SGCZ: variants seen among roughly 807,000 people sequenced by gnomAD.
SGCZ encodes the protein zeta-sarcoglycan.
A neutral mutation model predicts 41.3 loss-of-function variants in SGCZ; 40 were observed. The ratio of observed to expected loss-of-function variants is 0.97; its 90% confidence interval spans 0.75 to 1.26. The LOEUF is 1.26. Among genes scored for constraint, SGCZ ranks in the 50% most tolerant of loss-of-function variants. The pLI is 0.00. For missense variants in SGCZ, 552 were observed against 369.8 expected, an observed-to-expected ratio of 1.49 and a Z score of -4.04; for synonymous variants, 206 against 137.5, an observed-to-expected ratio of 1.50 and a Z score of -3.49.
At chr8:14,525,179 GATAGA>G (rs1802908414) in intron 2 of SGCZ, among the ~76,000 whole-genome samples, 2 of 138,188 alleles carry the variant, frequency 1.4e-5, no homozygotes, top group Non-Finnish European at 3.4e-5. Context: ...TAGATAGATA[GATAGA>G]TAGATAGATA....
chr8:14,377,877 G>A (rs1236031576), intron 2 of SGCZ, among the ~76,000 whole-genome samples: 1 of 151,458 alleles, frequency 6.6e-6, no homozygotes, highest in East Asian at 1.9e-4. Context: ...TTTTATGGCT[G>A]CATAGTATTC....
At chr8:14,853,595 A>G (rs558839707) in intron 1 of SGCZ, 1 of 429,894 alleles carries the variant, frequency 2.3e-6, no homozygotes, top group African/African-American at 2.0e-5. Flanking sequence ...AAAAAAATTC[A>G]GTCACTGAAG....
At chr8:15,160,528 G>C (rs913064293) in intron 1 of SGCZ, among the ~76,000 whole-genome samples, 4 of 152,196 alleles carry the variant, frequency 2.6e-5, no homozygotes, top group African/African-American at 7.2e-5. Context: ...TTCCCCAGGA[G>C]AGTCAATTTT....
chr8:14,125,577 G>C (rs1258031635), intron 5 of SGCZ, among the ~76,000 whole-genome samples: 1 of 150,788 alleles, frequency 6.6e-6, no homozygotes, highest in Admixed American at 6.6e-5. Flanking sequence ...CAGATTTAAT[G>C]CTATTTCCAT....
At chr8:14,328,976 C>G (rs988702409) in intron 2 of SGCZ, among the ~76,000 whole-genome samples, 2 of 152,204 alleles carry the variant, frequency 1.3e-5, no homozygotes, top group Admixed American at 1.3e-4. Flanking sequence ...TGGAAGCAAA[C>G]AGCAGCCTTC....
At chr8:14,693,067 G>A (rs756762195) in intron 1 of SGCZ, among the ~76,000 whole-genome samples, 3 of 152,028 alleles carry the variant, frequency 2.0e-5, no homozygotes, top group Non-Finnish European at 4.4e-5. Context: ...TTTCAGGCAC[G>A]GTGAAATGTG....
At chr8:14,761,653 T>C (rs1799881945) in intron 1 of SGCZ, among the ~76,000 whole-genome samples, 2 of 151,446 alleles carry the variant, frequency 1.3e-5, no homozygotes, top group South Asian at 4.2e-4. Context: ...CTTCAGGAGA[T>C]TAGCTGGGAT....
At chr8:14,847,641 A>G (rs934812279) in intron 1 of SGCZ, among the ~76,000 whole-genome samples, 1 of 138,080 alleles carries the variant, frequency 7.2e-6, no homozygotes, top group Admixed American at 7.4e-5. Context: ...GAAGGAAGGA[A>G]GGAGGGAGGG....
intron 1 of SGCZ, among the ~76,000 whole-genome samples, chr8:15,031,227 A>G (rs1746513327): frequency 6.6e-6 from 1 of 152,146 alleles, no homozygotes; most frequent in Non-Finnish European, 1.5e-5. Context: ...CCAGGATGGC[A>G]GAATAGGTTT....
chr8:14,345,718 G>A (rs1802870656), intron 2 of SGCZ, among the ~76,000 whole-genome samples: 1 of 152,064 alleles, frequency 6.6e-6, no homozygotes, highest in Non-Finnish European at 1.5e-5. Context: ...CTCTAGCCTG[G>A]GCTAATCTAC....
chr8:14,964,163 C>A (rs1201372464), intron 1 of SGCZ, among the ~76,000 whole-genome samples: 1 of 152,172 alleles, frequency 6.6e-6, no homozygotes, highest in Admixed American at 6.5e-5. Flanking sequence ...TGATTTTTGT[C>A]ACTACTGTTA....
In SGCZ at chr8:14,578,407, T is replaced by C. The variant is rs761797574; in HGVS notation, c.40-23481A>G. 4.6e-5 allele frequency among the ~76,000 whole-genome samples: 7 copies of C among 152,188 alleles called. No homozygotes were observed. The South Asian group carries it at 1.2e-3, about 27-fold the overall frequency. On this transcript the variant is annotated intron_variant, in intron 1 of 7. Transcript: ENST00000382080. ...CCTCTCTTCCTCACCCCTTTGCAAG[T>C]TGTCCTACATGCTCCCTGGGTTTGG...
At chr8:14,746,076 A>G (rs1385436360) in intron 1 of SGCZ, among the ~76,000 whole-genome samples, 1 of 152,038 alleles carries the variant, frequency 6.6e-6, no homozygotes, top group Non-Finnish European at 1.5e-5. Flanking sequence ...TTTTGTTTTA[A>G]TATGTTTGTT....
chr8:14,128,663 G>A (rs922700280), intron 5 of SGCZ, among the ~76,000 whole-genome samples: 1 of 152,056 alleles, frequency 6.6e-6, no homozygotes, highest in Non-Finnish European at 1.5e-5. Flanking sequence ...GTCCATCAGT[G>A]AATGTCTGAA....
chr8:14,185,912 C>G (rs1472151904), intron 4 of SGCZ, among the ~76,000 whole-genome samples: 1 of 152,180 alleles, frequency 6.6e-6, no homozygotes, highest in African/African-American at 2.4e-5. Flanking sequence ...TGTTGAATCC[C>G]AAATTCTCAC....
intron 1 of SGCZ, among the ~76,000 whole-genome samples, chr8:15,055,584 T>A (rs923517217): frequency 3.3e-5 from 5 of 152,190 alleles, no homozygotes; most frequent in African/African-American, 1.2e-4. Context: ...GTATGGTTTT[T>A]ATGGGACTGA....
At chr8:15,047,479 T>C (rs971383668) in intron 1 of SGCZ, among the ~76,000 whole-genome samples, 1 of 152,018 alleles carries the variant, frequency 6.6e-6, no homozygotes, top group Admixed American at 6.6e-5. Context: ...TATATTTAAC[T>C]CTGATTTAAA....
intron 1 of SGCZ, among the ~76,000 whole-genome samples, chr8:14,904,972 T>A (rs1011176935): frequency 6.6e-6 from 1 of 152,006 alleles, no homozygotes; most frequent in Middle Eastern, 3.2e-3. Flanking sequence ...TTTGTTATTA[T>A]GAAAACTTAA....
intron 7 of SGCZ, among the ~76,000 whole-genome samples, chr8:14,101,731 G>A (rs1166625814): frequency 2.0e-5 from 3 of 150,286 alleles, no homozygotes; most frequent in Non-Finnish European, 4.4e-5. Context: ...AACAACCAAA[G>A]TGCTTTCTGG....
Sources: gnomAD v4.1 joint callset for allele counts (sites outside exome capture counted in the v4.1 genomes callset) on GRCh38, gnomAD v4.1.1 for gene constraint, MANE v1.5 for transcripts, NCBI Gene and HGNC (gene_info 2026-07-23, HGNC 2026-07-21) for gene names.